The following KCNH8 variants were observed in gnomAD, a reference collection of about 807,000 sequenced individuals.
KCNH8 encodes potassium voltage-gated channel subfamily H member 8, also known as voltage-gated delayed rectifier potassium channel KCNH8.
Under a neutral mutation model 103.6 loss-of-function variants are expected in KCNH8, and 70 were observed. The ratio of observed to expected loss-of-function variants is 0.68; its 90% CI spans 0.56 to 0.82. The LOEUF is 0.82. KCNH8 is among the 40% of genes least tolerant of loss of function. The pLI, the probability that KCNH8 is intolerant of heterozygous loss-of-function variation, is 0.00. For synonymous variants in KCNH8, 498 were observed against 489.4 expected, an observed-to-expected ratio of 1.02 and a Z score of -0.23; for missense variants, 1,217 against 1,329.9, an observed-to-expected ratio of 0.92 and a Z score of 1.32.
chr3:19,201,665 C>T (rs1486349271), intron 1 of KCNH8, among the ~76,000 whole-genome samples: 3 of 151,950 alleles, frequency 2.0e-5, no homozygotes, highest in Non-Finnish European at 2.9e-5. Context: ...TAACCTGGGC[C>T]CCCCACCTTT....
chr3:19,252,564 A>G (rs920569667), intron 1 of KCNH8, among the ~76,000 whole-genome samples: 1 of 151,550 alleles, frequency 6.6e-6, no homozygotes, highest in African/African-American at 2.4e-5. Context: ...TAATTTTTGT[A>G]TTTTCAGTAG....
intron 11 of KCNH8, among the ~76,000 whole-genome samples, chr3:19,471,387 G>A (rs2067852888): frequency 6.6e-6 from 1 of 152,158 alleles, no homozygotes; most frequent in Non-Finnish European, 1.5e-5. Flanking sequence ...TGGAGCAAGG[G>A]TCGTCCATTC....
intron 3 of KCNH8, among the ~76,000 whole-genome samples, chr3:19,296,076 T>C (rs2064993686): frequency 6.6e-6 from 1 of 152,166 alleles, no homozygotes; most frequent in Non-Finnish European, 1.5e-5. Context: ...ATGCTTTACA[T>C]AGATTTATAT....
At chr3:19,438,423 T>A in intron 8 of KCNH8, 62 bp downstream of exon 8, 2 of 1,334,228 alleles carry the variant, frequency 1.5e-6, no homozygotes, top group Non-Finnish European at 2.1e-6. Flanking sequence ...TGTCACTGCC[T>A]GTTTGTTCTG....
intron 11 of KCNH8, among the ~76,000 whole-genome samples, chr3:19,482,322 T>G (rs1249096801): frequency 6.6e-6 from 1 of 152,240 alleles, no homozygotes; most frequent in Non-Finnish European, 1.5e-5. Flanking sequence ...TAGTTTTTAC[T>G]TATTCTTTCT....
intron 2 of KCNH8, among the ~76,000 whole-genome samples, chr3:19,278,474 A>C: frequency 8.4e-6 from 1 of 119,694 alleles, no homozygotes; most frequent in South Asian, 3.3e-4. Flanking sequence ...AAGGGAAGGG[A>C]AGGAAGGAAG....
intron 1 of KCNH8, among the ~76,000 whole-genome samples, chr3:19,234,834 C>G (rs1020511086): frequency 6.6e-6 from 1 of 152,272 alleles, no homozygotes; most frequent in Non-Finnish European, 1.5e-5. Flanking sequence ...TGATCCCAGT[C>G]TGAGTGAGTG....
rs1328708015 is a variant in KCNH8 at position 19,510,596 on chromosome 3, G to A, written c.2079+195G>A. Among the ~76,000 whole-genome samples the A allele has an allele frequency of 2.0e-5, 3 of 152,270 alleles. No homozygotes were observed. The South Asian group carries it at 6.2e-4, about 32-fold the overall frequency. On this transcript the variant is annotated intron_variant, in intron 12 of 15. Transcript: ENST00000328405. ...AATTGAAACTCATAGTTCTATGGGA[G>A]CATTTTATAGTTATTGTTATAAAGC...
Position 19,450,294 on chromosome 3 carries a change from G to T in KCNH8, c.1564G>T (p.Asp522Tyr). The change falls in exon 9 of 16, where the codon GAT becomes TAT. Residue 522 changes from aspartate to tyrosine, a missense_variant. By Grantham distance (160) the Asp-to-Tyr change is radical. Coordinates refer to ENST00000328405, the MANE Select transcript of KCNH8 (RefSeq NM_144633.3). Reference sequence around the variant, plus strand: ...AACCTGGTCAGTCAACAATGGAATAGATTCAAATGAGGTAATGTTCATTTC... The same window carrying T: ...AACCTGGTCAGTCAACAATGGAATATATTCAAATGAGGTAATGTTCATTTC... ...QTTWSVNNGI[D>Y]SNELLKDFPD... The T allele has an allele frequency of 6.2e-7, 1 of 1,611,694 alleles. No individual in the cohort carries two copies.
At chr3:19,265,212 T>C (rs1027805553) in intron 2 of KCNH8, among the ~76,000 whole-genome samples, 1 of 152,082 alleles carries the variant, frequency 6.6e-6, no homozygotes, top group Non-Finnish European at 1.5e-5. Context: ...TTTCCTAAAA[T>C]AGAGATCCAA....
intron 11 of KCNH8, among the ~76,000 whole-genome samples, chr3:19,474,310 G>A (rs2067925569): frequency 6.6e-6 from 1 of 152,188 alleles, no homozygotes; most frequent in Admixed American, 6.5e-5. Flanking sequence ...GGTGGAGGCA[G>A]TCTGCTTACA....
intron 1 of KCNH8, among the ~76,000 whole-genome samples, chr3:19,168,703 T>G (rs116571473): frequency 9.8e-5 from 15 of 152,304 alleles, no homozygotes; most frequent in Admixed American, 9.1e-4. Context: ...GTCTTCCCAT[T>G]CGTGTAACTA....
chr3:19,184,707 C>G (rs1401890939), intron 1 of KCNH8, among the ~76,000 whole-genome samples: 1 of 151,752 alleles, frequency 6.6e-6, no homozygotes, highest in East Asian at 1.9e-4. Flanking sequence ...TGCATTTGAT[C>G]AGGGAATGAA....
At chr3:19,355,185 A>G (rs1217435648) in intron 5 of KCNH8, among the ~76,000 whole-genome samples, 1 of 152,228 alleles carries the variant, frequency 6.6e-6, no homozygotes, top group African/African-American at 2.4e-5. Context: ...ACAATGAGGT[A>G]CCATCTCACA....
chr3:19,197,746 C>CGA (rs1418698923), intron 1 of KCNH8, among the ~76,000 whole-genome samples: 1 of 151,390 alleles, frequency 6.6e-6, no homozygotes, highest in Non-Finnish European at 1.5e-5. Context: ...TAATACATGT[C>CGA]GAGTCCTTAC....
intron 3 of KCNH8, among the ~76,000 whole-genome samples, chr3:19,308,795 T>TCTCTCCCTTTCTCC (rs2065173222): frequency 7.3e-6 from 1 of 136,584 alleles, no homozygotes; most frequent in Non-Finnish European, 1.6e-5. Flanking sequence ...TCCCTCTCTC[T>TCTCTCCCTTTCTCC]CTCTCCCTTT....
intron 3 of KCNH8, among the ~76,000 whole-genome samples, chr3:19,318,654 TGTGTGTGTACACACACAC>T (rs2065307539): frequency 9.9e-6 from 1 of 101,402 alleles, no homozygotes; most frequent in Non-Finnish European, 2.1e-5. Context: ...TGTGTGTGTG[TGTGTGTGTACACACACAC>T]ACACACACAC....
At chr3:19,200,268 C>G (rs17005744) in intron 1 of KCNH8, among the ~76,000 whole-genome samples, 6,397 of 151,896 alleles carry the variant, frequency 0.042, 477 homozygotes, top group African/African-American at 0.14. Context: ...CTAAATGTGG[C>G]TGAAAATGTA....
At chr3:19,295,808 A>G (rs952955185) in intron 3 of KCNH8, among the ~76,000 whole-genome samples, 1 of 152,154 alleles carries the variant, frequency 6.6e-6, no homozygotes, top group Non-Finnish European at 1.5e-5. Context: ...CAGTGGGGAA[A>G]AAAACAGACT....
Sources: allele counts gnomAD v4.1 joint callset (sites outside exome capture counted in the v4.1 genomes callset), GRCh38; gene constraint gnomAD v4.1.1; transcripts MANE v1.5; gene names NCBI Gene and HGNC (gene_info 2026-07-23, HGNC 2026-07-21).